NRXN3: variants seen among roughly 807,000 people sequenced by gnomAD.
NRXN3 encodes neurexin III.
NRXN3 carries 32 observed loss-of-function variants against 137.6 expected under a neutral mutation model. The observed-to-expected ratio is 0.23, with a 90% confidence interval of 0.18 to 0.31. NRXN3 has a LOEUF of 0.31. Among genes scored for constraint, NRXN3 ranks in the 10% least tolerant of loss-of-function variants. NRXN3 has a pLI of 1.00. For missense variants in NRXN3, 1,574 were observed against 2,062.5 expected, an observed-to-expected ratio of 0.76 and a Z score of 4.59; for synonymous variants, 798 against 784.5, an observed-to-expected ratio of 1.02 and a Z score of -0.29.
Position 79,226,967 on chromosome 14 carries a change from T to A in NRXN3, c.3262+238826T>A, listed in dbSNP as rs190340861. Among the ~76,000 whole-genome samples the A allele has an allele frequency of 1.7e-3, 252 of 151,724 alleles. 2 individuals are homozygous for A. The highest frequency in any genetic ancestry group is 5.6e-3 in the African/African-American group (233 of 41,372). On this transcript the variant is annotated intron_variant, in intron 15 of 20. Coordinates refer to ENST00000335750, the MANE Select transcript of NRXN3 (RefSeq NM_001330195.2). The stretch of plus-strand genomic sequence containing the variant: ...TCCTGAATAGCTAGGATTACAGGCA[T>A]GCACCACCACACCCAGCTAATTTTT...
chr14:78,938,848 C>CTTTT (rs1255540319), intron 10 of NRXN3, among the ~76,000 whole-genome samples: 19 of 132,026 alleles, frequency 1.4e-4, no homozygotes, highest in Non-Finnish European at 2.3e-4. Flanking sequence ...AGTGATTTTT[C>CTTTT]TTTTTTTTTT....
intron 15 of NRXN3, among the ~76,000 whole-genome samples, chr14:78,998,615 T>C (rs1304546731): frequency 1.3e-5 from 2 of 149,898 alleles, no homozygotes; most frequent in African/African-American, 5.0e-5. Context: ...TTTTTTTTTT[T>C]TGAGAAGGAA....
In NRXN3 at chr14:79,057,134, A is replaced by G. The variant is rs148676016; in HGVS notation, c.3262+68993A>G. On this transcript the variant is annotated intron_variant, in intron 15 of 20. Transcript: ENST00000335750. ...AGTGGGTAACCAAATGTTATTTGGT[A>G]TGTAAACTTTTCTATTTCCACATCT... 5.9e-5 allele frequency among the ~76,000 whole-genome samples: 9 copies of G among 152,350 alleles called. No individual in the cohort carries two copies. In the East Asian group the frequency reaches 1.7e-3, roughly 29 times the overall value.
intron 4 of NRXN3, among the ~76,000 whole-genome samples, chr14:78,473,671 G>A (rs2095325729): frequency 6.6e-6 from 1 of 152,224 alleles, no homozygotes; most frequent in Admixed American, 6.5e-5. Flanking sequence ...CAGGAATTCA[G>A]GAGTGGCTTA....
intron 15 of NRXN3, among the ~76,000 whole-genome samples, chr14:78,999,927 A>C (rs1041436950): frequency 6.6e-6 from 1 of 152,204 alleles, no homozygotes; most frequent in Non-Finnish European, 1.5e-5. Flanking sequence ...ATCGTCAATC[A>C]TCAAATCCCA....
chr14:79,421,703 G>C lies in NRXN3; in HGVS notation c.3263-45518G>C, dbSNP rs147970946. 2.8e-3 allele frequency among the ~76,000 whole-genome samples: 432 copies of C among 152,272 alleles called. 1 individual carries two copies. The highest frequency in any genetic ancestry group is 9.8e-3 in the African/African-American group (407 of 41,566). On this transcript the variant is annotated intron_variant, in intron 15 of 20. Transcript: ENST00000335750. ...ACCCATAGAGGTTGTTTCTTGCTTA[G>C]AGTAATTTAATGTTATAAGGATCAG...
At chr14:78,428,645 G>C (rs888271158) in intron 4 of NRXN3, among the ~76,000 whole-genome samples, 2 of 152,084 alleles carry the variant, frequency 1.3e-5, no homozygotes, top group African/African-American at 2.4e-5. Flanking sequence ...AGCTCTACAG[G>C]GTGAGTTGGC....
chr14:79,040,637 G>A (rs1342216014), intron 15 of NRXN3, among the ~76,000 whole-genome samples: 1 of 152,138 alleles, frequency 6.6e-6, no homozygotes, highest in Non-Finnish European at 1.5e-5. Context: ...AGGTTGGAGT[G>A]AAAGTTTAAT....
intron 1 of NRXN3, among the ~76,000 whole-genome samples, chr14:78,220,077 G>C (rs1047063959): frequency 6.6e-6 from 1 of 152,092 alleles, no homozygotes; most frequent in African/African-American, 2.4e-5. Context: ...ATAATGCCCA[G>C]GTTGCTAGCT....
At chr14:78,776,680 T>G (rs2098745896) in intron 8 of NRXN3, among the ~76,000 whole-genome samples, 1 of 152,200 alleles carries the variant, frequency 6.6e-6, no homozygotes, top group Non-Finnish European at 1.5e-5. Context: ...TGGTCTTGTT[T>G]GCTAGGATTC....
In NRXN3 at chr14:79,648,412, C is replaced by T. The variant is rs1045303948; in HGVS notation, c.3445-15366C>T. On this transcript the variant is annotated intron_variant, in intron 16 of 20. Transcript: ENST00000335750. Reference sequence around the variant, plus strand: ...TTTAAAAGAACAGTCTAGCTGTTCACGAGAGATCTGATCTTAAAATGTTGA... The same window carrying T: ...TTTAAAAGAACAGTCTAGCTGTTCATGAGAGATCTGATCTTAAAATGTTGA... Among the ~76,000 whole-genome samples, 4 of 134,722 alleles carry T rather than the reference C, an allele frequency of 3.0e-5. 1 individual carries two copies. The highest frequency in any genetic ancestry group is 1.6e-4 in the Admixed American group (2 of 12,656). The allele number at this position is 134,722 out of a possible 152,430, so 88.4% of individuals were successfully genotyped here.
At chr14:79,503,544 C>G (rs1404481580) in intron 16 of NRXN3, among the ~76,000 whole-genome samples, 1 of 152,086 alleles carries the variant, frequency 6.6e-6, no homozygotes, top group African/African-American at 2.4e-5. Context: ...TTAGATTAGT[C>G]TTTTAAGACC....
intron 16 of NRXN3, among the ~76,000 whole-genome samples, chr14:79,585,223 T>C (rs1044795735): frequency 6.6e-6 from 1 of 152,172 alleles, no homozygotes; most frequent in Non-Finnish European, 1.5e-5. Context: ...ATGAGTTTGG[T>C]CAAAGGAAAG....
intron 15 of NRXN3, among the ~76,000 whole-genome samples, chr14:79,452,500 C>T (rs1235359991): frequency 2.0e-5 from 3 of 152,062 alleles, no homozygotes; most frequent in South Asian, 2.1e-4. Context: ...AGACTCACAG[C>T]GTGATTTTGT....
intron 11 of NRXN3, among the ~76,000 whole-genome samples, chr14:78,962,015 G>A (rs1383562857): frequency 6.6e-6 from 1 of 152,174 alleles, no homozygotes; most frequent in African/African-American, 2.4e-5. Context: ...CCATAGGGAA[G>A]AAGTACAAAC....
intron 15 of NRXN3, among the ~76,000 whole-genome samples, chr14:79,063,684 T>C (rs2099677069): frequency 6.6e-6 from 1 of 152,136 alleles, no homozygotes; most frequent in South Asian, 2.1e-4. Flanking sequence ...ATGAACAAAG[T>C]TATGCCATTT....
At chr14:79,276,908 G>T (rs1158206227) in intron 15 of NRXN3, among the ~76,000 whole-genome samples, 1 of 152,148 alleles carries the variant, frequency 6.6e-6, no homozygotes, top group Non-Finnish European at 1.5e-5. Context: ...TACTGAGCCC[G>T]TATGATGTGC....
intron 4 of NRXN3, among the ~76,000 whole-genome samples, chr14:78,627,122 C>T (rs1017362344): frequency 1.4e-5 from 2 of 144,106 alleles, no homozygotes; most frequent in African/African-American, 5.8e-5. Flanking sequence ...CTCTCTCTCT[C>T]TCTCTCTCTC....
At chr14:79,368,666 C>T (rs1337538579) in intron 15 of NRXN3, among the ~76,000 whole-genome samples, 2 of 152,190 alleles carry the variant, frequency 1.3e-5, no homozygotes, top group East Asian at 1.9e-4. Context: ...ATTCCCTATA[C>T]ATTTGCATCT....
Sources: allele counts gnomAD v4.1 joint callset (sites outside exome capture counted in the v4.1 genomes callset), GRCh38; gene constraint gnomAD v4.1.1; transcripts MANE v1.5; gene names NCBI Gene and HGNC (gene_info 2026-07-23, HGNC 2026-07-21).